Variants in SUCLA2 observed in about 807,000 individuals in gnomAD.
SUCLA2 encodes succinate-CoA ligase ADP-forming subunit beta.
Under a neutral mutation model 54.8 loss-of-function variants are expected in SUCLA2, and 30 were observed. That is an observed-to-expected ratio of 0.55 (90% CI 0.41 to 0.74). The LOEUF is 0.74. Ranked by LOEUF, SUCLA2 falls within the 30% of genes least tolerant of loss-of-function variation. The pLI is 0.00. For missense variants in SUCLA2, 476 were observed against 562.9 expected (o/e 0.85, Z 1.56); for synonymous variants, 172 against 188.9 (o/e 0.91, Z 0.74).
chr13:47,996,246 C>T (rs1950189590), intron 2 of SUCLA2, among the ~76,000 whole-genome samples: 1 of 151,130 alleles, frequency 6.6e-6, no homozygotes, highest in Non-Finnish European at 1.5e-5. Flanking sequence ...TCCCTTGAAC[C>T]CGGGAAGCGG....
chr13:47,952,417 A>G (rs1030243371), intron 8 of SUCLA2, among the ~76,000 whole-genome samples: 6 of 152,070 alleles, frequency 3.9e-5, no homozygotes, highest in African/African-American at 2.4e-5. Context: ...AGGAAGTACA[A>G]TATCTTTTCA....
Position 47,954,118 on chromosome 13 carries a change from A to C in SUCLA2, c.1107+22T>G, listed in dbSNP as rs755357786. On this transcript the variant is annotated intron_variant, in intron 8 of 10. Transcript: ENST00000646932. ...TTTTATATATTTACATGATATAAAAATATATCAAGCCCTGCCCTTACCTTT... is the reference window on the plus strand; with the variant it reads ...TTTTATATATTTACATGATATAAAACTATATCAAGCCCTGCCCTTACCTTT... 3 of 1,591,428 alleles carry C rather than the reference A, an allele frequency of 1.9e-6. No homozygotes were observed. In the East Asian group the frequency reaches 6.7e-5, roughly 36 times the overall value.
chr13:47,950,863 C>T (rs1275422205), intron 8 of SUCLA2, among the ~76,000 whole-genome samples: 1 of 152,132 alleles, frequency 6.6e-6, no homozygotes, highest in Non-Finnish European at 1.5e-5. Flanking sequence ...CACTGAAATA[C>T]CTTCTGTGAA....
chr13:47,958,695 G>C (rs1256713132), intron 6 of SUCLA2, among the ~76,000 whole-genome samples: 1 of 152,172 alleles, frequency 6.6e-6, no homozygotes, highest in Non-Finnish European at 1.5e-5. Context: ...TTTTTGAAAA[G>C]AGTAATTAAG....
intron 6 of SUCLA2, among the ~76,000 whole-genome samples, chr13:47,957,059 G>A (rs1164631222): frequency 6.6e-6 from 1 of 152,180 alleles, no homozygotes; most frequent in Non-Finnish European, 1.5e-5. Context: ...TCAAAAAAAT[G>A]TGTCAAAGAA....
At chr13:47,943,596 A>C (rs2137679928) in intron 10 of SUCLA2, 151 bp from the exon 11 acceptor site, 1 of 697,236 alleles carries the variant, frequency 1.4e-6, no homozygotes, top group East Asian at 2.8e-5. Flanking sequence ...TAAGCAAATG[A>C]CATTCTCAAA....
chr13:47,994,030 C>T lies in SUCLA2; in HGVS notation c.271+2813G>A, dbSNP rs1217701619. 2.7e-5 allele frequency among the ~76,000 whole-genome samples: 4 copies of T among 149,588 alleles called. No individual in the cohort carries two copies. The East Asian group carries it at 8.0e-4, about 30-fold the overall frequency. On this transcript the variant is annotated intron_variant, in intron 2 of 10. Coordinates refer to ENST00000646932, the MANE Select transcript of SUCLA2 (RefSeq NM_003850.3). ...CTGAGATGGCGCCATTGCACTCCAG[C>T]CTGGGCAACAAGAACGAAACTCCGT... is the stretch of plus-strand genomic sequence containing the variant.
chr13:47,959,499 C>CA (rs1949849844), intron 6 of SUCLA2, among the ~76,000 whole-genome samples: 2 of 14,390 alleles, frequency 1.4e-4, no homozygotes, highest in South Asian at 1.8e-3. Flanking sequence ...GGAAGGGGAG[C>CA]GGGGGGAGGA....
chr13:47,987,136 A>G (rs1950110458), intron 4 of SUCLA2, among the ~76,000 whole-genome samples: 1 of 152,196 alleles, frequency 6.6e-6, no homozygotes, highest in Non-Finnish European at 1.5e-5. Context: ...CCTCAACAAG[A>G]CCTAAATAGT....
intron 4 of SUCLA2, 45 bp from the exon 5 acceptor site, chr13:47,973,437 C>A: frequency 6.2e-7 from 1 of 1,604,854 alleles, no homozygotes; most frequent in Non-Finnish European, 8.5e-7. Context: ...TTATTTTAGA[C>A]TCATCAATGA....
At chr13:47,953,322 A>G (rs986809227) in intron 8 of SUCLA2, among the ~76,000 whole-genome samples, 1 of 152,134 alleles carries the variant, frequency 6.6e-6, no homozygotes. Context: ...AGTAGTAAGT[A>G]CTCAACAGTT....
chr13:47,965,996 C>A (rs998825748), intron 6 of SUCLA2, among the ~76,000 whole-genome samples: 5 of 152,048 alleles, frequency 3.3e-5, no homozygotes, highest in Non-Finnish European at 7.4e-5. Context: ...TGCAGTCAGC[C>A]GAGATTGCAC....
intron 4 of SUCLA2, among the ~76,000 whole-genome samples, chr13:47,983,653 C>T (rs1950076593): frequency 6.6e-6 from 1 of 152,116 alleles, no homozygotes; most frequent in South Asian, 2.1e-4. Flanking sequence ...CCACGCCTGG[C>T]TAATTTTTTG....
intron 6 of SUCLA2, among the ~76,000 whole-genome samples, chr13:47,957,467 T>G (rs890767037): frequency 3.3e-5 from 5 of 152,172 alleles, no homozygotes. Context: ...CACCCAGTTT[T>G]GGCTGAAGGT....
chr13:47,954,131 T>C lies in SUCLA2; in HGVS notation c.1107+9A>G. ...CATGATATAAAAATATATCAAGCCC[T>C]GCCCTTACCTTTTTATCTGAAGTGA... On this transcript the variant is annotated intron_variant, in intron 8 of 10. Transcript: ENST00000646932. The C allele has an allele frequency of 6.2e-7, 1 of 1,612,106 alleles. No individual in the cohort carries two copies. The highest frequency in any genetic ancestry group is 8.5e-7 in the Non-Finnish European group (1 of 1,178,864).
intron 6 of SUCLA2, among the ~76,000 whole-genome samples, chr13:47,961,801 G>T (rs1949873562): frequency 6.6e-6 from 1 of 152,118 alleles, no homozygotes; most frequent in African/African-American, 2.4e-5. Context: ...TATCAACTGT[G>T]TCTTTATGAC....
At chr13:47,949,705 TAGAAAGATTTTCAGA>T in intron 8 of SUCLA2, 102 bp from the exon 9 acceptor site, 1 of 1,261,594 alleles carries the variant, frequency 7.9e-7, no homozygotes, top group South Asian at 1.3e-5. Flanking sequence ...ATTAACTTGA[TAGAAAGATTTTCAGA>T]CCAAACCACA....
At chr13:47,973,748 C>T (rs1158134259) in intron 4 of SUCLA2, among the ~76,000 whole-genome samples, 2 of 152,140 alleles carry the variant, frequency 1.3e-5, no homozygotes, top group East Asian at 3.8e-4. Context: ...CCATGGAATA[C>T]TATGCAGCCA....
At chr13:47,955,576 AAAAG>A (rs1156680387) in intron 6 of SUCLA2, among the ~76,000 whole-genome samples, 1 of 151,986 alleles carries the variant, frequency 6.6e-6, no homozygotes, top group Non-Finnish European at 1.5e-5. Context: ...TCAAAAGGGG[AAAAG>A]AAAGAGAAGA....
Sources: gnomAD v4.1 joint callset for allele counts (sites outside exome capture counted in the v4.1 genomes callset) on GRCh38, gnomAD v4.1.1 for gene constraint, MANE v1.5 for transcripts, NCBI Gene and HGNC (gene_info 2026-07-23, HGNC 2026-07-21) for gene names.